Variants in QTMAN observed in about 807,000 individuals in gnomAD.
QTMAN encodes the protein queuosine-tRNA mannosyltransferase.
At chr2:144,111,338 T>A in the QTMAN span, among the ~76,000 whole-genome samples, 9 of 152,200 alleles carry the variant, frequency 5.9e-5, no homozygotes, top group African/African-American at 1.9e-4. Flanking sequence ...GGTTCACACC[T>A]CTGGGGCCAT....
chr2:144,315,577 A>C, the QTMAN span, among the ~76,000 whole-genome samples: 6 of 152,166 alleles, frequency 3.9e-5, no homozygotes, highest in Non-Finnish European at 4.4e-5. Context: ...GCTCACTCAC[A>C]TATTTCAGTA....
the QTMAN span, among the ~76,000 whole-genome samples, chr2:144,113,120 T>C: frequency 2.0e-5 from 3 of 151,794 alleles, no homozygotes; most frequent in Admixed American, 6.6e-5. Flanking sequence ...GAAAAGGCAA[T>C]CGACAGATGC....
chr2:144,013,601 G>A, the QTMAN span, among the ~76,000 whole-genome samples: 187 of 152,244 alleles, frequency 1.2e-3, no homozygotes, highest in Non-Finnish European at 2.1e-3. Context: ...TATGGTTCAA[G>A]GCTAATATGG....
At chr2:144,147,865 T>C in the QTMAN span, among the ~76,000 whole-genome samples, 13 of 152,012 alleles carry the variant, frequency 8.6e-5, no homozygotes, top group East Asian at 1.9e-4. Context: ...ATCATCAGTA[T>C]AGTATTCCTG....
chr2:144,044,216 AT>A, the QTMAN span, among the ~76,000 whole-genome samples: 5 of 152,272 alleles, frequency 3.3e-5, 2 homozygotes, highest in Admixed American at 6.5e-5. Flanking sequence ...TCTCTACTGT[AT>A]TTTAATTTTT....
At chr2:143,968,248 C>T in the QTMAN span, among the ~76,000 whole-genome samples, 5 of 152,160 alleles carry the variant, frequency 3.3e-5, no homozygotes, top group East Asian at 1.9e-4. Context: ...AACAGAAGCA[C>T]GTGTATAGAC....
the QTMAN span, among the ~76,000 whole-genome samples, chr2:144,110,405 G>T: frequency 1.3e-5 from 2 of 152,040 alleles, no homozygotes; most frequent in Admixed American, 6.5e-5. Flanking sequence ...GTGAGGGGAG[G>T]GGGGAAGGAT....
the QTMAN span, among the ~76,000 whole-genome samples, chr2:144,327,162 C>T: frequency 6.6e-6 from 1 of 152,188 alleles, no homozygotes; most frequent in Non-Finnish European, 1.5e-5. Context: ...AGAGAGCTTC[C>T]AGGTAACTGA....
At chr2:144,118,786 C>T in the QTMAN span, among the ~76,000 whole-genome samples, 2,911 of 152,236 alleles carry the variant, frequency 0.019, 50 homozygotes, top group East Asian at 0.061. Flanking sequence ...GAGGCTGAGG[C>T]AGGAGAATGG....
the QTMAN span, among the ~76,000 whole-genome samples, chr2:144,104,759 G>C: frequency 6.6e-6 from 1 of 152,222 alleles, no homozygotes; most frequent in African/African-American, 2.4e-5. Context: ...GAAGAGAGTA[G>C]TGGTTCTCCA....
At chr2:144,090,423 C>T in the QTMAN span, among the ~76,000 whole-genome samples, 1 of 151,934 alleles carries the variant, frequency 6.6e-6, no homozygotes, top group African/African-American at 2.4e-5. Flanking sequence ...AGAAGTAAAA[C>T]TATTTCTATT....
At chr2:144,227,590 C>T in the QTMAN span, among the ~76,000 whole-genome samples, 1 of 152,060 alleles carries the variant, frequency 6.6e-6, no homozygotes, top group Non-Finnish European at 1.5e-5. Context: ...CTGTGCTAAG[C>T]GTAAAGACAC....
At chr2:144,298,088 G>T in the QTMAN span, among the ~76,000 whole-genome samples, 1 of 150,622 alleles carries the variant, frequency 6.6e-6, no homozygotes, top group Non-Finnish European at 1.5e-5. Flanking sequence ...GCGCGATCTC[G>T]GCTCACTTCA....
At chr2:144,150,884 T>C in the QTMAN span, among the ~76,000 whole-genome samples, 36 of 152,320 alleles carry the variant, frequency 2.4e-4, no homozygotes, top group African/African-American at 8.7e-4. Context: ...AAGCATGTGC[T>C]GAGCACCTAT....
At chr2:144,100,068 CATGCAAAAAGG>C in the QTMAN span, among the ~76,000 whole-genome samples, 1 of 152,182 alleles carries the variant, frequency 6.6e-6, no homozygotes, top group Non-Finnish European at 1.5e-5. Flanking sequence ...TGGTACACCA[CATGCAAAAAGG>C]CTTGTTGCTG....
At chr2:144,245,339 C>A in the QTMAN span, among the ~76,000 whole-genome samples, 1 of 152,304 alleles carries the variant, frequency 6.6e-6, no homozygotes, top group South Asian at 2.1e-4. Context: ...AAACCTTTAA[C>A]TAGTTCTTTA....
chr2:143,970,630 A>C, the QTMAN span: 1 of 1,148,896 alleles, frequency 8.7e-7, no homozygotes, highest in Non-Finnish European at 1.3e-6. Context: ...AAAAATACAC[A>C]TTAGAAAATT....
chr2:144,037,263 T>C, the QTMAN span, among the ~76,000 whole-genome samples: 292 of 152,344 alleles, frequency 1.9e-3, no homozygotes, highest in Admixed American at 3.5e-3. Flanking sequence ...ACTGAATTCT[T>C]TACTTTAAAA....
the QTMAN span, among the ~76,000 whole-genome samples, chr2:144,279,203 T>C: frequency 1.2e-3 from 177 of 152,136 alleles, no homozygotes; most frequent in Middle Eastern, 3.4e-3. Context: ...ACTTTGAAAT[T>C]AGGGACATCA....
Sources: allele counts gnomAD v4.1 joint callset (sites outside exome capture counted in the v4.1 genomes callset), GRCh38; gene constraint gnomAD v4.1.1; transcripts MANE v1.5; gene names NCBI Gene and HGNC (gene_info 2026-07-23, HGNC 2026-07-21).